BBS9: variants seen among roughly 807,000 people sequenced by gnomAD.
The protein encoded by BBS9 is protein PTHB1.
A neutral mutation model predicts 117.7 loss-of-function variants in BBS9; 89 were observed. The ratio of observed to expected loss-of-function variants is 0.76; its 90% CI spans 0.64 to 0.90. The LOEUF (loss-of-function observed/expected upper bound fraction) is 0.90. Among genes scored for constraint, BBS9 ranks in the 40% least tolerant of loss-of-function variants. The pLI is 0.00. For synonymous variants in BBS9, 379 were observed against 370.9 expected, an observed-to-expected ratio of 1.02 and a Z score of -0.25; for missense variants, 982 against 1,042.2, an observed-to-expected ratio of 0.94 and a Z score of 0.80.
At chr7:33,352,042 G>A (rs1055462635) in intron 14 of BBS9, 6 of 153,008 alleles carry the variant, frequency 3.9e-5, no homozygotes, top group African/African-American at 1.4e-4. Context: ...GCTGTTTTAA[G>A]CCTGAAGGTA....
intron 1 of BBS9, among the ~76,000 whole-genome samples, chr7:33,136,183 A>G (rs1290478683): frequency 6.6e-6 from 1 of 152,320 alleles, no homozygotes; most frequent in Non-Finnish European, 1.5e-5. Flanking sequence ...TAGAAATATC[A>G]TGGATATTTG....
At chr7:33,291,595 G>A (rs1479368904) in intron 9 of BBS9, among the ~76,000 whole-genome samples, 5 of 152,096 alleles carry the variant, frequency 3.3e-5, no homozygotes, top group African/African-American at 1.2e-4. Context: ...TATTAAAATG[G>A]ATTAATGAAC....
chr7:33,615,539 A>G (rs1585481457), intron 21 of BBS9, among the ~76,000 whole-genome samples: 2 of 152,264 alleles, frequency 1.3e-5, no homozygotes, highest in Middle Eastern at 6.8e-3. Context: ...CCCAAACAGA[A>G]AAGCAAAGAA....
intron 20 of BBS9, among the ~76,000 whole-genome samples, chr7:33,524,904 G>T (rs1241085708): frequency 6.6e-6 from 1 of 152,144 alleles, no homozygotes; most frequent in Non-Finnish European, 1.5e-5. Context: ...AAATTTCCCT[G>T]TACGCACTGC....
At chr7:33,227,281 G>A (rs1213884116) in intron 5 of BBS9, among the ~76,000 whole-genome samples, 3 of 151,518 alleles carry the variant, frequency 2.0e-5, no homozygotes, top group Non-Finnish European at 4.4e-5. Context: ...CTGAGTAGCT[G>A]GGATTACAGG....
At chr7:33,329,931 CTTTA>C (rs1021395733) in intron 9 of BBS9, among the ~76,000 whole-genome samples, 9 of 151,630 alleles carry the variant, frequency 5.9e-5, no homozygotes, top group African/African-American at 1.2e-4. Context: ...TGTAGATGGC[CTTTA>C]TTTAACCTTT....
chr7:33,280,317 C>G (rs1801568112), intron 9 of BBS9, among the ~76,000 whole-genome samples: 1 of 152,156 alleles, frequency 6.6e-6, no homozygotes, highest in Non-Finnish European at 1.5e-5. Flanking sequence ...GTTCCACCCA[C>G]AGCCACTCCC....
At chr7:33,223,418 A>G (rs1790646794) in intron 5 of BBS9, among the ~76,000 whole-genome samples, 1 of 152,204 alleles carries the variant, frequency 6.6e-6, no homozygotes, top group Non-Finnish European at 1.5e-5. Flanking sequence ...TTCTAACTGG[A>G]ACCTGAAAAC....
At chr7:33,562,282 A>G (rs1026420714) in intron 21 of BBS9, among the ~76,000 whole-genome samples, 15 of 152,236 alleles carry the variant, frequency 9.9e-5, no homozygotes, top group Non-Finnish European at 1.9e-4. Flanking sequence ...AAAGTGATAA[A>G]AAACATATAT....
intron 20 of BBS9, among the ~76,000 whole-genome samples, chr7:33,520,427 A>T (rs1195723228): frequency 6.6e-6 from 1 of 152,174 alleles, no homozygotes; most frequent in Middle Eastern, 3.2e-3. Flanking sequence ...GAATAATGGT[A>T]TGGGAATAAC....
chr7:33,521,747 C>CT (rs568390639), intron 20 of BBS9, among the ~76,000 whole-genome samples: 2,682 of 143,660 alleles, frequency 0.019, 64 homozygotes, highest in African/African-American at 0.06. Flanking sequence ...TTTTCTTTTT[C>CT]TTTTTTTTTT....
chr7:33,133,129 TA>T (rs552725281), intron 1 of BBS9, among the ~76,000 whole-genome samples: 2 of 150,516 alleles, frequency 1.3e-5, no homozygotes, highest in African/African-American at 2.4e-5. Context: ...TGTTCTGCTT[TA>T]AAAAAAAATG....
Position 33,478,042 on chromosome 7 carries a change from T to C in BBS9, c.2116-27421T>C, listed in dbSNP as rs181267098. On this transcript the variant is annotated intron_variant, in intron 19 of 22. Transcript: ENST00000242067. ...GACATATAAAGGGAAGGAAATTGTA[T>C]GTCTCTTGCTACAAGGAAGTAGGTA... 2.0e-5 allele frequency among the ~76,000 whole-genome samples: 3 copies of C among 152,208 alleles called. No individual in the cohort carries two copies. In the East Asian group the frequency reaches 5.8e-4, roughly 29 times the overall value.
chr7:33,181,727 A>C (rs1471400112), intron 5 of BBS9, among the ~76,000 whole-genome samples: 1 of 152,234 alleles, frequency 6.6e-6, no homozygotes, highest in Non-Finnish European at 1.5e-5. Flanking sequence ...TTCTTTTACA[A>C]GATTAATTTT....
At chr7:33,317,210 T>G (rs371312968) in intron 9 of BBS9, among the ~76,000 whole-genome samples, 6 of 152,346 alleles carry the variant, frequency 3.9e-5, no homozygotes, top group African/African-American at 4.8e-5. Context: ...TCCATTGATC[T>G]GTTTAGTCTC....
intron 19 of BBS9, among the ~76,000 whole-genome samples, chr7:33,478,666 ATT>A (rs562084284): frequency 6.7e-6 from 1 of 148,938 alleles, no homozygotes. Context: ...TTTGTTTGTA[ATT>A]TTTTTTTTTA....
At chr7:33,250,697 C>T (rs1020337952) in intron 5 of BBS9, among the ~76,000 whole-genome samples, 5 of 152,162 alleles carry the variant, frequency 3.3e-5, no homozygotes, top group African/African-American at 1.2e-4. Flanking sequence ...AAGCATTTTT[C>T]ACATACTTTG....
intron 5 of BBS9, among the ~76,000 whole-genome samples, chr7:33,237,277 C>T (rs1001999232): frequency 2.0e-5 from 3 of 152,154 alleles, no homozygotes; most frequent in Non-Finnish European, 4.4e-5. Context: ...CTTGTAACTT[C>T]CTCATTTCAG....
At chr7:33,312,068 T>C (rs566167294) in intron 9 of BBS9, among the ~76,000 whole-genome samples, 7 of 152,246 alleles carry the variant, frequency 4.6e-5, no homozygotes, top group Non-Finnish European at 7.3e-5. Flanking sequence ...TGACATACAA[T>C]TGTGTACCCT....
Sources: gnomAD v4.1 joint callset for allele counts (sites outside exome capture counted in the v4.1 genomes callset) on GRCh38, gnomAD v4.1.1 for gene constraint, MANE v1.5 for transcripts, NCBI Gene and HGNC (gene_info 2026-07-23, HGNC 2026-07-21) for gene names.